Variants in ASNS observed in about 807,000 individuals in gnomAD.
ASNS encodes the protein asparagine synthetase (glutamine-hydrolyzing).
ASNS carries 37 observed loss-of-function variants against 62.6 expected under a neutral mutation model. That is an observed-to-expected ratio of 0.59 (90% CI 0.45 to 0.78). The LOEUF is 0.78. ASNS is among the 30% of genes least tolerant of loss of function. ASNS has a pLI of 0.00. For synonymous variants in ASNS, 207 were observed against 237.9 expected (o/e 0.87, Z 1.19); for missense variants, 520 against 682.4 (o/e 0.76, Z 2.65).
Position 97,859,393 on chromosome 7 carries a change from C to CA in ASNS, c.492dup (p.Val165CysfsTer22). 1 of 1,602,970 alleles carries CA rather than the reference C, an allele frequency of 6.2e-7. No homozygotes were observed. The highest frequency in any genetic ancestry group is 8.5e-7 in the Non-Finnish European group (1 of 1,173,916). On this transcript the variant is annotated frameshift_variant, in exon 5 of 13. Transcript: ENST00000394308. LOFTEE classifies it high-confidence loss of function. ...GGAGTCGCGGAGTGCTTCAATGTAA[C>CA]AAGACCTAGAAATTCACAATGATAC...
upstream of ASNS, among the ~76,000 whole-genome samples, chr7:97,876,747 TG>T (rs1267609238): frequency 1.3e-5 from 2 of 152,056 alleles, no homozygotes; most frequent in African/African-American, 4.8e-5. Context: ...TTATTAATTT[TG>T]GGGGGCAGTT....
chr7:97,896,735 CACACACATATAT>C, the ASNS span, among the ~76,000 whole-genome samples: 13 of 24,934 alleles, frequency 5.2e-4, no homozygotes, highest in African/African-American at 8.0e-4. Flanking sequence ...CACACACACA[CACACACATATAT>C]ATATATATAT....
At chr7:97,891,766 G>A in the ASNS span, among the ~76,000 whole-genome samples, 1 of 152,176 alleles carries the variant, frequency 6.6e-6, no homozygotes, top group Non-Finnish European at 1.5e-5. Context: ...GGGCTCCCAT[G>A]GCCTTGGGAG....
chr7:97,893,162 C>T, the ASNS span, among the ~76,000 whole-genome samples: 1 of 152,108 alleles, frequency 6.6e-6, no homozygotes, highest in African/African-American at 2.4e-5. Context: ...AGCAGGGAAA[C>T]TCCTCCTTTT....
chr7:97,868,930 C>A lies in ASNS; in HGVS notation c.227G>T (p.Gly76Val). 3.1e-6 allele frequency: 5 copies of A among 1,614,130 alleles called. No homozygotes were observed. Among genetic ancestry groups the A allele is most frequent in the Non-Finnish European group, 4.2e-6 (5 of 1,180,050 alleles). ...KYPYLWLCYN[G>V]EIYNHKKMQQ... is the part of the protein sequence containing the mutation. ...CACCTTCTTATGGTTGTAGATTTCA[C>A]CATTGTAACAGAGCCACAAATACGG... Residue 76 changes from glycine to valine, a missense_variant, in exon 3 of 13, where the codon GGT becomes GTT. By Grantham distance (109) the Gly-to-Val change is moderately radical. Coordinates refer to ENST00000394308, the MANE Select transcript of ASNS (RefSeq NM_001673.5).
chr7:97,908,528 G>A, the ASNS span: 14 of 151,688 alleles, frequency 9.2e-5, no homozygotes, highest in South Asian at 2.1e-4. Flanking sequence ...AGTCTCCCCC[G>A]TAGCTGGGAT....
At chr7:97,867,693 C>T (rs1013010725) in intron 3 of ASNS, among the ~76,000 whole-genome samples, 7 of 152,252 alleles carry the variant, frequency 4.6e-5, no homozygotes, top group African/African-American at 1.7e-4. Flanking sequence ...TCCATTCTTG[C>T]CTTTCCTTTT....
At chr7:97,886,546 T>C in the ASNS span, among the ~76,000 whole-genome samples, 1 of 151,966 alleles carries the variant, frequency 6.6e-6, no homozygotes, top group East Asian at 1.9e-4. Context: ...CCCCTTGCCC[T>C]ATCAAAGAGA....
the ASNS span, among the ~76,000 whole-genome samples, chr7:97,897,459 CAG>C: frequency 0.042 from 6,323 of 152,172 alleles, 301 homozygotes; most frequent in African/African-American, 0.11. Context: ...AAAAAATAAA[CAG>C]ACATTTCTCA....
At chr7:97,884,046 A>G in the ASNS span, among the ~76,000 whole-genome samples, 1 of 151,540 alleles carries the variant, frequency 6.6e-6, no homozygotes, top group Non-Finnish European at 1.5e-5. Context: ...ACACTATCTC[A>G]TTCCATCCCT....
the ASNS span, among the ~76,000 whole-genome samples, chr7:97,891,558 G>T: frequency 1.3e-5 from 2 of 152,198 alleles, no homozygotes; most frequent in African/African-American, 2.4e-5. Flanking sequence ...TCAAAAACAA[G>T]TTAGTTACTT....
chr7:97,884,138 G>T, the ASNS span, among the ~76,000 whole-genome samples: 1 of 152,154 alleles, frequency 6.6e-6, no homozygotes, highest in Non-Finnish European at 1.5e-5. Context: ...CCACTCGTGT[G>T]AAGTTTCCAC....
rs745461318 is a variant in ASNS at position 97,858,326 on chromosome 7, T to A, written c.855A>T (p.Thr285=). Reference sequence around the variant, plus strand: ...GGCTGTCTTCCATGCCAATTGCAAATGTCTGGAGAGGATACTGTACTTGGG... The same window carrying A: ...GGCTGTCTTCCATGCCAATTGCAAAAGTCTGGAGAGGATACTGTACTTGGG... ...KEAQVQYPLQ[T]FAIGMEDSPD... The change falls in exon 7 of 13, where the codon ACA becomes ACT. Residue 285 remains threonine (T), a synonymous_variant. Coordinates refer to ENST00000394308, the MANE Select transcript of ASNS (RefSeq NM_001673.5). 5.0e-6 allele frequency: 8 copies of A among 1,613,850 alleles called. No individual in the cohort carries two copies. The African/African-American group carries it at 5.3e-5, about 11-fold the overall frequency.
intron 9 of ASNS, 132 bp downstream of exon 9, chr7:97,855,221 T>G (rs1584459412): frequency 1.6e-6 from 1 of 618,668 alleles, no homozygotes; most frequent in East Asian, 2.7e-5. Context: ...GCAAACACTA[T>G]CAGATTCCCT....
At chr7:97,916,080 T>C in the ASNS span, among the ~76,000 whole-genome samples, 2 of 152,134 alleles carry the variant, frequency 1.3e-5, no homozygotes, top group African/African-American at 4.8e-5. Flanking sequence ...ATGATAAGTA[T>C]CCAGAATGAC....
the ASNS span, among the ~76,000 whole-genome samples, chr7:97,896,741 C>CATATATATATAT: frequency 0.02 from 386 of 19,666 alleles, 26 homozygotes; most frequent in Non-Finnish European, 0.032. Flanking sequence ...CACACACACA[C>CATATATATATAT]ATATATATAT....
At chr7:97,863,626 C>A (rs1791826395) in intron 4 of ASNS, 1 of 152,346 alleles carries the variant, frequency 6.6e-6, no homozygotes, top group African/African-American at 2.4e-5. Context: ...AGCTATCAAA[C>A]CACCGCACTC....
At chr7:97,872,673 C>T (rs1792344680), upstream of ASNS, 1 of 152,308 alleles carries the variant, frequency 6.6e-6, no homozygotes, top group Admixed American at 6.5e-5. Flanking sequence ...AGGGAGGCTT[C>T]TGAACTTGGT....
the ASNS span, among the ~76,000 whole-genome samples, chr7:97,879,930 T>G: frequency 2.0e-5 from 3 of 152,138 alleles, no homozygotes; most frequent in Non-Finnish European, 4.4e-5. Flanking sequence ...GGTCTCAGTC[T>G]CCCCAGGGAG....
Sources: allele counts gnomAD v4.1 joint callset (sites outside exome capture counted in the v4.1 genomes callset), GRCh38; gene constraint gnomAD v4.1.1; transcripts MANE v1.5; gene names NCBI Gene and HGNC (gene_info 2026-07-23, HGNC 2026-07-21).